The following PCDHGA6 variants were observed in gnomAD, a reference collection of about 807,000 sequenced individuals.
PCDHGA6 encodes the protein protocadherin gamma-A6.
Under a neutral mutation model 60.6 loss-of-function variants are expected in PCDHGA6, and 41 were observed. The ratio of observed to expected loss-of-function variants is 0.68; its 90% CI spans 0.53 to 0.88. The LOEUF (loss-of-function observed/expected upper bound fraction) is 0.88, where lower values mean the gene tolerates loss of function less well. Among genes scored for constraint, PCDHGA6 ranks in the 40% least tolerant of loss-of-function variants. PCDHGA6 has a pLI of 0.00. For missense variants in PCDHGA6, 1,312 were observed against 1,203.0 expected (o/e 1.09, Z -1.34); for synonymous variants, 594 against 524.4 (o/e 1.13, Z -1.81).
intron 1 of PCDHGA6, chr5:141,412,510 T>G (rs1007512416): frequency 6.6e-6 from 1 of 152,204 alleles, no homozygotes; most frequent in Non-Finnish European, 1.5e-5. Flanking sequence ...ATAAGTTTAA[T>G]GAATTAAGTA....
At chr5:141,388,784 T>A in intron 1 of PCDHGA6, 1 of 1,613,942 alleles carries the variant, frequency 6.2e-7, no homozygotes, top group Non-Finnish European at 8.5e-7. Flanking sequence ...GGGAAATTAC[T>A]GTTTTAAATA....
chr5:141,448,756 C>T (rs938202200), intron 1 of PCDHGA6, among the ~76,000 whole-genome samples: 1 of 151,742 alleles, frequency 6.6e-6, no homozygotes, highest in African/African-American at 2.4e-5. Context: ...CTGGCTAACA[C>T]GGTGAAACCC....
rs988237114 is a variant in PCDHGA6 at position 141,493,830 on chromosome 5, G to A, written c.2425-977G>A. On this transcript the variant is annotated intron_variant, in intron 1 of 3. Transcript: ENST00000517434. This position sits in a 1 kb window ranked among gnomAD's most constrained non-coding sequence, Gnocchi z 4.3. ...ATACTCACACTCTCTGCTTCTGGGA[G>A]CAAGTATGAGTATTAATTACCAGCC... 1.3e-5 allele frequency among the ~76,000 whole-genome samples: 2 copies of A among 152,218 alleles called. No individual in the cohort carries two copies. The highest frequency in any genetic ancestry group is 4.8e-5 in the African/African-American group (2 of 41,456).
At chr5:141,481,533 T>TG (rs1246139713) in intron 1 of PCDHGA6, among the ~76,000 whole-genome samples, 2 of 152,200 alleles carry the variant, frequency 1.3e-5, no homozygotes, top group Admixed American at 6.5e-5. Context: ...AATCTAGAGA[T>TG]GGGGCTGGGC....
chr5:141,500,005 G>A (rs994274763), intron 2 of PCDHGA6, among the ~76,000 whole-genome samples: 30 of 151,476 alleles, frequency 2.0e-4, no homozygotes, highest in Non-Finnish European at 3.8e-4. Context: ...TCTTTCATAA[G>A]GTCCACATTT....
chr5:141,449,837 TAATTA>T (rs1054425190), intron 1 of PCDHGA6, among the ~76,000 whole-genome samples: 11 of 151,856 alleles, frequency 7.2e-5, no homozygotes, highest in Middle Eastern at 3.4e-3. Context: ...TTCTTTTATA[TAATTA>T]AATTTTAATA....
intron 1 of PCDHGA6, among the ~76,000 whole-genome samples, chr5:141,466,514 T>C (rs1276000407): frequency 6.6e-6 from 1 of 152,226 alleles, no homozygotes; most frequent in Non-Finnish European, 1.5e-5. Context: ...AAGATCATTT[T>C]TTTTCCTCCC....
chr5:141,424,084 A>G, intron 1 of PCDHGA6: 1 of 929,764 alleles, frequency 1.1e-6, no homozygotes, highest in Non-Finnish European at 1.3e-6. Context: ...ATATTCCACC[A>G]TTATTTGCTA....
Position 141,476,889 on chromosome 5 carries a change from C to T in PCDHGA6, c.2425-17918C>T. ...CGGGCGCGCGTCCTGGAGGATGCAC[C>T]CTCCGGCACGCGCGTGGTACAAGTC... is the stretch of plus-strand genomic sequence containing the variant. On this transcript the variant is annotated intron_variant, in intron 1 of 3. Transcript: ENST00000517434. This position sits in a 1 kb window ranked among gnomAD's most constrained non-coding sequence, Gnocchi z 7.6. 6.2e-7 allele frequency: 1 copy of T among 1,613,960 alleles called. No individual in the cohort carries two copies. The highest frequency in any genetic ancestry group is 8.5e-7 in the Non-Finnish European group (1 of 1,180,034).
chr5:141,500,688 T>C (rs2099802014), intron 2 of PCDHGA6, among the ~76,000 whole-genome samples: 1 of 152,224 alleles, frequency 6.6e-6, no homozygotes, highest in Non-Finnish European at 1.5e-5. Flanking sequence ...TATAGCTTTT[T>C]TCTTCTTTGC....
chr5:141,487,751 G>A lies in PCDHGA6; in HGVS notation c.2425-7056G>A. ...CACCATTTTTGTAAGAGGTAACTAT[G>A]TGGTAGACGCTGTGCTTTGTAACTG... On this transcript the variant is annotated intron_variant, in intron 1 of 3. Coordinates refer to ENST00000517434, the MANE Select transcript of PCDHGA6 (RefSeq NM_018919.3). This position sits in a 1 kb window ranked among gnomAD's most constrained non-coding sequence, Gnocchi z 5.0. 1 of 1,555,004 alleles carries A rather than the reference G, an allele frequency of 6.4e-7. No homozygotes were observed.
intron 1 of PCDHGA6, chr5:141,400,747 G>A: frequency 1.7e-6 from 1 of 602,780 alleles, no homozygotes; most frequent in Non-Finnish European, 2.9e-6. Flanking sequence ...TTTGCTCTTA[G>A]CTTCCTCTCT....
chr5:141,462,983 T>C (rs530985795), intron 1 of PCDHGA6, among the ~76,000 whole-genome samples: 278 of 152,304 alleles, frequency 1.8e-3, no homozygotes, highest in Non-Finnish European at 3.4e-3. Flanking sequence ...AACTTTTGCC[T>C]TGGGCTAATT....
chr5:141,492,084 G>A (rs979755390), intron 1 of PCDHGA6, among the ~76,000 whole-genome samples: 1 of 152,236 alleles, frequency 6.6e-6, no homozygotes, highest in Non-Finnish European at 1.5e-5. Flanking sequence ...GCTCCGGCAC[G>A]CTTCGCCGGT....
rs141959335 is a variant in PCDHGA6, at chr5:141,491,261, T to C, written c.2425-3546T>C. On this transcript the variant is annotated intron_variant, in intron 1 of 3. Transcript: ENST00000517434. This position sits in a 1 kb window ranked among gnomAD's most constrained non-coding sequence, Gnocchi z 6.9. Reference sequence around the variant, plus strand: ...CTGGAGGATGAGGACCCTGAGGAAATGCCCAAATCCAGTGACTTCCTCATA... The same window carrying C: ...CTGGAGGATGAGGACCCTGAGGAAACGCCCAAATCCAGTGACTTCCTCATA... 104 of 1,614,044 alleles carry C rather than the reference T, an allele frequency of 6.4e-5. No individual in the cohort carries two copies. Among genetic ancestry groups the C allele is most frequent in the Non-Finnish European group, 8.1e-5 (95 of 1,180,028 alleles).
intron 1 of PCDHGA6, among the ~76,000 whole-genome samples, chr5:141,456,714 C>T (rs1456452530): frequency 6.6e-6 from 1 of 152,176 alleles, no homozygotes; most frequent in Non-Finnish European, 1.5e-5. Flanking sequence ...CCTGTAATCC[C>T]AGCACTTTGG....
intron 1 of PCDHGA6, chr5:141,415,704 T>G: frequency 7.4e-7 from 1 of 1,344,464 alleles, no homozygotes; most frequent in Non-Finnish European, 1.0e-6. Flanking sequence ...GTGTAAATGC[T>G]AAAACACTGA....
intron 1 of PCDHGA6, chr5:141,399,911 G>A: frequency 6.2e-7 from 1 of 1,612,384 alleles, no homozygotes; most frequent in Non-Finnish European, 8.5e-7. Flanking sequence ...GCAGACTCAG[G>A]ACACAACGCC....
intron 1 of PCDHGA6, among the ~76,000 whole-genome samples, chr5:141,450,830 T>A (rs923422605): frequency 3.0e-5 from 3 of 101,548 alleles, no homozygotes; most frequent in African/African-American, 1.3e-4. Context: ...ATTATTATTA[T>A]TTTTTTTTTT....
Sources: gnomAD v4.1 joint callset for allele counts (sites outside exome capture counted in the v4.1 genomes callset) on GRCh38, gnomAD v4.1.1 for gene constraint, Gnocchi (gnomAD v3.1) non-coding constraint, MANE v1.5 for transcripts, NCBI Gene and HGNC (gene_info 2026-07-23, HGNC 2026-07-21) for gene names.